Variants in KLK2 observed in about 807,000 individuals in gnomAD.
The protein encoded by KLK2 is kallikrein-2.
Under a neutral mutation model 23.0 loss-of-function variants are expected in KLK2, and 17 were observed. That is an observed-to-expected ratio of 0.74 (90% CI 0.51 to 1.11). KLK2 has a LOEUF of 1.11. Ranked by LOEUF, KLK2 falls within the 50% of genes least tolerant of loss-of-function variation. KLK2 has a pLI of 0.00. For missense variants in KLK2, 330 were observed against 325.9 expected (o/e 1.01, Z -0.10); for synonymous variants, 140 against 124.7 (o/e 1.12, Z -0.82).
In KLK2 at chr19:50,878,544, C is replaced by T. The variant is rs566614502; in HGVS notation, c.771C>T (p.Ile257=). ...VHYRKWIKDT[I]AANP ...ACCGGAAGTGGATCAAGGACACCAT[C>T]GCAGCCAACCCCTGAGTGCCCCTGT... The change falls in exon 5 of 5, where the codon ATC becomes ATT. Residue 257 remains isoleucine (I), a synonymous_variant. Transcript: ENST00000325321. 4.5e-5 allele frequency: 73 copies of T among 1,613,486 alleles called. No homozygotes were observed. In the Admixed American group the frequency reaches 7.2e-4, roughly 16 times the overall value.
At position 50,878,503 on chromosome 19, in the gene KLK2, A is replaced by C. The variant is rs1324557261; in HGVS notation, c.730A>C (p.Thr244Pro). 5.0e-6 allele frequency: 8 copies of C among 1,613,928 alleles called. No homozygotes were observed. The highest frequency in any genetic ancestry group is 1.3e-5 in the African/African-American group (1 of 74,882). The change falls in exon 5 of 5, where the codon ACC becomes CCC. Residue 244 changes from threonine to proline, a missense_variant. Transcript: ENST00000325321. ...CALPEKPAVY[T>P]KVVHYRKWIK... ...CCTGCCTGAAAAGCCTGCTGTGTAC[A>C]CCAAGGTGGTGCATTACCGGAAGTG...
In KLK2 at chr19:50,876,813, A is replaced by G. The variant is rs113140495; in HGVS notation, c.493+55A>G. On this transcript the variant is annotated intron_variant, in intron 3 of 4. Coordinates refer to ENST00000325321, the MANE Select transcript of KLK2 (RefSeq NM_005551.5). ...AGCCCAGATGCCTGGGTCTGAGGGA[A>G]GTGGGGCCAAAGAACCAGGTGGGGT... 2,360 of 1,610,100 alleles carry G rather than the reference A, an allele frequency of 1.5e-3. 26 individuals carry two copies. In the African/African-American group the frequency reaches 0.028, roughly 19 times the overall value.
At position 50,876,948 on chromosome 19, in the gene KLK2, GA is replaced by G; in HGVS notation, c.572del (p.Lys191ArgfsTer2). On this transcript the variant is annotated frameshift_variant, in exon 4 of 5. Coordinates refer to ENST00000325321, the MANE Select transcript of KLK2 (RefSeq NM_005551.5). LOFTEE classifies it high-confidence loss of function. ...ACATGTGTGCTAGAGCTTACTCTGAGAAGGTGACAGAGTTCATGTTGTGTGC... is the reference window on the plus strand; with the variant it reads ...ACATGTGTGCTAGAGCTTACTCTGAGAGGTGACAGAGTTCATGTTGTGTGC... The part of the protein sequence containing the change: ...NDMCARAYSE[K>X]VTEFMLCAGL... 6.2e-7 allele frequency: 1 copy of G among 1,614,074 alleles called. No homozygotes were observed. The highest frequency in any genetic ancestry group is 1.1e-5 in the South Asian group (1 of 91,068).
chr19:50,877,944 A>C (rs1021878911), intron 4 of KLK2, among the ~76,000 whole-genome samples: 2 of 151,998 alleles, frequency 1.3e-5, no homozygotes, highest in Non-Finnish European at 2.9e-5. Context: ...TCCATCCTCC[A>C]TCTGGCCTCA....
Position 50,878,912 on chromosome 19 carries a change from C to A in KLK2, c.*353C>A. On this transcript the variant is annotated 3_prime_UTR_variant, in exon 5 of 5. Transcript: ENST00000325321. ...CAGAGATGGGAGGGGTGGGGCCCAC[C>A]CTGGAAGAGTGGACAGTGACACAAG... The A allele has an allele frequency of 3.6e-6, 1 of 280,462 alleles. No homozygotes were observed. Among genetic ancestry groups the A allele is most frequent in the Non-Finnish European group, 6.8e-6 (1 of 146,664 alleles). 17.4% of individuals were successfully genotyped at this position (280,462 alleles called of 1,614,324 possible). A position where few individuals can be genotyped will look rare whatever the true frequency, so the allele number is the denominator to read the frequency against.
Position 50,875,134 on chromosome 19 carries a change from T to G in KLK2, c.206+254T>G, listed in dbSNP as rs1310272888. On this transcript the variant is annotated intron_variant, in intron 2 of 4. Transcript: ENST00000325321. ...TGGTTGTGTCTGTATGACTGTGTTT[T>G]GGTCTCTATGTCCCTCTCTCTTTTC... 6.5e-6 allele frequency: 3 copies of G among 459,170 alleles called. No individual in the cohort carries two copies. In the East Asian group the frequency reaches 1.4e-4, roughly 21 times the overall value. The allele number at this position is 459,170 out of a possible 1,614,324, so 28.4% of individuals were successfully genotyped here.
intron 1 of KLK2, 23 bp from the exon 2 acceptor site, chr19:50,874,698 C>T (rs776315688): frequency 1.9e-6 from 3 of 1,596,118 alleles, no homozygotes; most frequent in Non-Finnish European, 2.6e-6. Flanking sequence ...TCTGATCCCC[C>T]TGACCCAGCA....
Position 50,876,694 on chromosome 19 carries a change from C to A in KLK2, c.429C>A (p.Thr143=), listed in dbSNP as rs2090292201. 6.2e-7 allele frequency: 1 copy of A among 1,614,198 alleles called. No individual in the cohort carries two copies. Among genetic ancestry groups the A allele is most frequent in the Non-Finnish European group, 8.5e-7 (1 of 1,180,048 alleles). ...TTGTGAAGGTCCTGGGCCTGCCCACCCAGGAGCCAGCACTGGGGACCACCT... is the reference window on the plus strand; with the variant it reads ...TTGTGAAGGTCCTGGGCCTGCCCACACAGGAGCCAGCACTGGGGACCACCT... ...TDVVKVLGLP[T]QEPALGTTCY... is the part of the protein sequence containing the mutation. The change falls in exon 3 of 5, where the codon ACC becomes ACA. Residue 143 remains threonine, a synonymous_variant. Transcript: ENST00000325321.
rs77177726 is a variant in KLK2 at position 50,878,731 on chromosome 19, G to C, written c.*172G>C. Reference sequence around the variant, plus strand: ...CTGGTGTGGAGTCCAGGGCTGCTAGGAAAAGGAATGGGCAGACACAGGTGT... The same window carrying C: ...CTGGTGTGGAGTCCAGGGCTGCTAGCAAAAGGAATGGGCAGACACAGGTGT... On this transcript the variant is annotated 3_prime_UTR_variant, in exon 5 of 5. Transcript: ENST00000325321. The C allele has an allele frequency of 4.3e-3, 2,486 of 577,722 alleles. 47 individuals carry two copies. Among genetic ancestry groups the C allele is most frequent in the African/African-American group, 0.042 (2,265 of 53,636 alleles). 35.8% of individuals were successfully genotyped at this position (577,722 alleles called of 1,614,324 possible). A position where few individuals can be genotyped will look rare whatever the true frequency, so the allele number is the denominator to read the frequency against.
intron 4 of KLK2, 69 bp from the exon 5 acceptor site, chr19:50,878,335 G>A (rs2090310369): frequency 6.7e-7 from 1 of 1,493,174 alleles, no homozygotes; most frequent in African/African-American, 1.4e-5. Flanking sequence ...GCGGTTCTGA[G>A]AGATGGAGTT....
chr19:50,874,970 AG>A (rs1275070928), intron 2 of KLK2, 90 bp downstream of exon 2: 3 of 1,485,460 alleles, frequency 2.0e-6, no homozygotes, highest in Admixed American at 4.4e-5. Context: ...TTCTCAGGTG[AG>A]GCTTCAGACT....
chr19:50,873,542 AG>A (rs1236575523), intron 1 of KLK2, 23 bp downstream of exon 1: 2 of 1,077,308 alleles, frequency 1.9e-6, no homozygotes, highest in Non-Finnish European at 2.9e-6. Flanking sequence ...GGATAAAGGA[AG>A]GGGGGCGGGT....
rs1262924534 is a variant in KLK2, at chr19:50,880,088, TG to T, written c.*1530del. On this transcript the variant is annotated 3_prime_UTR_variant, in exon 5 of 5. Transcript: ENST00000325321. ...AAGAGCATTCAATCATTGTTTTATT[TG>T]CCTTCTTTTCACACCATTGGTGAGG... 9 of 229,106 alleles carry T rather than the reference TG, an allele frequency of 3.9e-5. No homozygotes were observed. Among genetic ancestry groups the T allele is most frequent in the Non-Finnish European group, 6.9e-5 (8 of 115,570 alleles). 14.2% of individuals were successfully genotyped at this position (229,106 alleles called of 1,614,324 possible).
At chr19:50,875,122 AT>A in intron 2 of KLK2, 1 of 590,480 alleles carries the variant, frequency 1.7e-6, no homozygotes, top group Non-Finnish European at 2.6e-6. Context: ...TTGTGTCTGT[AT>A]GACTGTGTTT....
chr19:50,876,842 G>A (rs1319406926), intron 3 of KLK2, 30 bp from the exon 4 acceptor site: 3 of 1,612,032 alleles, frequency 1.9e-6, no homozygotes, highest in Non-Finnish European at 1.7e-6. Context: ...GTGGGGTCCG[G>A]CCACAGCCCA....
intron 2 of KLK2, 83 bp from the exon 3 acceptor site, chr19:50,876,389 T>C: frequency 7.9e-7 from 1 of 1,265,876 alleles, no homozygotes; most frequent in South Asian, 1.3e-5. Flanking sequence ...TTTCTTCCCT[T>C]TGGAGTCTCC....
intron 2 of KLK2, 140 bp downstream of exon 2, chr19:50,875,020 G>A (rs989212365): frequency 3.0e-5 from 42 of 1,399,008 alleles, no homozygotes; most frequent in Non-Finnish European, 3.5e-5. Context: ...GTCGCACCCG[G>A]AGGCAGAGCT....
intron 2 of KLK2, chr19:50,876,084 AT>A (rs2090284281): frequency 4.4e-6 from 1 of 227,744 alleles, no homozygotes; most frequent in South Asian, 7.0e-5. Context: ...GACTTCCCGC[AT>A]CCTTTTCTCA....
At position 50,876,953 on chromosome 19, in the gene KLK2, T is replaced by C. The variant is rs2090295676; in HGVS notation, c.575T>C (p.Val192Ala). 1 of 1,614,112 alleles carries C rather than the reference T, an allele frequency of 6.2e-7. No individual in the cohort carries two copies. Among genetic ancestry groups the C allele is most frequent in the South Asian group, 1.1e-5 (1 of 91,072 alleles). ...DMCARAYSEK[V>A]TEFMLCAGLW... is the part of the protein sequence containing the mutation. ...TGTGCTAGAGCTTACTCTGAGAAGG[T>C]GACAGAGTTCATGTTGTGTGCTGGG... The change falls in exon 4 of 5, where the codon GTG becomes GCG. Residue 192 changes from valine (V) to alanine (A), a missense_variant. By Grantham distance (64) the Val-to-Ala change is moderately conservative. Coordinates refer to ENST00000325321, the MANE Select transcript of KLK2 (RefSeq NM_005551.5).
Sources: allele counts gnomAD v4.1 joint callset (sites outside exome capture counted in the v4.1 genomes callset), GRCh38; gene constraint gnomAD v4.1.1; transcripts MANE v1.5; gene names NCBI Gene and HGNC (gene_info 2026-07-23, HGNC 2026-07-21).